Variants in ADAMTS9 observed in about 807,000 individuals in gnomAD.
ADAMTS9 encodes ADAM metallopeptidase with thrombospondin type 1 motif 9.
A neutral mutation model predicts 257.1 loss-of-function variants in ADAMTS9; 107 were observed. That is an observed-to-expected ratio of 0.42 (90% CI 0.36 to 0.49). ADAMTS9 has a LOEUF of 0.49. Ranked by LOEUF, ADAMTS9 falls within the 20% of genes least tolerant of loss-of-function variation. The probability of loss-of-function intolerance (pLI) is 0.03; values close to 1 mark genes in which losing one functional copy is unlikely to be tolerated. For synonymous variants in ADAMTS9, 982 were observed against 880.9 expected, an observed-to-expected ratio of 1.11 and a Z score of -2.03; for missense variants, 2,353 against 2,469.1, an observed-to-expected ratio of 0.95 and a Z score of 1.00.
At chr3:64,527,905 T>C (rs1430069931) in intron 38 of ADAMTS9, among the ~76,000 whole-genome samples, 1 of 152,182 alleles carries the variant, frequency 6.6e-6, no homozygotes, top group East Asian at 1.9e-4. Flanking sequence ...CATGTGTGTG[T>C]GTACACATGT....
intron 20 of ADAMTS9, 66 bp from the exon 21 acceptor site, chr3:64,615,551 G>C: frequency 6.7e-7 from 1 of 1,482,550 alleles, no homozygotes; most frequent in South Asian, 1.4e-5. Context: ...TGAAGATCCT[G>C]GCTATGTTGT....
intron 28 of ADAMTS9, among the ~76,000 whole-genome samples, chr3:64,581,435 G>T (rs1409412342): frequency 1.3e-5 from 2 of 151,826 alleles, no homozygotes; most frequent in Non-Finnish European, 2.9e-5. Flanking sequence ...GCTAATTTTT[G>T]TATTTTTGGT....
At chr3:64,564,931 G>T (rs1371325788) in intron 29 of ADAMTS9, among the ~76,000 whole-genome samples, 1 of 152,144 alleles carries the variant, frequency 6.6e-6, no homozygotes, top group East Asian at 1.9e-4. Flanking sequence ...AGTAAAATTT[G>T]TCTTAGACAA....
At chr3:64,628,325 A>G (rs1188022594) in intron 16 of ADAMTS9, among the ~76,000 whole-genome samples, 5 of 152,198 alleles carry the variant, frequency 3.3e-5, no homozygotes, top group South Asian at 2.1e-4. Context: ...TGAGGCCACT[A>G]CTTGGAGGGA....
intron 38 of ADAMTS9, among the ~76,000 whole-genome samples, chr3:64,528,597 C>T (rs978722121): frequency 1.3e-5 from 2 of 152,212 alleles, no homozygotes; most frequent in Admixed American, 6.5e-5. Context: ...AGGCTAAGCC[C>T]GGGCTTACAC....
chr3:64,650,787 A>T, intron 9 of ADAMTS9: 1 of 456,508 alleles, frequency 2.2e-6, no homozygotes, highest in Non-Finnish European at 3.7e-6. Flanking sequence ...CATCCTCTTT[A>T]AGACTCCAAC....
rs200051974 is a variant in ADAMTS9 at position 64,522,135 on chromosome 3, T to C, written c.*5+31A>G. The C allele has an allele frequency of 1.3e-5, 20 of 1,591,318 alleles. No homozygotes were observed. The East Asian group carries it at 4.3e-4, about 34-fold the overall frequency. On this transcript the variant is annotated intron_variant, in intron 39 of 39. Coordinates refer to ENST00000498707, the MANE Select transcript of ADAMTS9 (RefSeq NM_182920.2). ...GCTACAGAAAAAAATAAAAGACAAA[T>C]ACACAGACAGACAGACATAGGACTA...
At chr3:64,599,277 G>A (rs2084416922) in intron 26 of ADAMTS9, among the ~76,000 whole-genome samples, 1 of 152,154 alleles carries the variant, frequency 6.6e-6, no homozygotes, top group African/African-American at 2.4e-5. Flanking sequence ...ATTTCTCCAT[G>A]TTGCAGACTT....
intron 3 of ADAMTS9, among the ~76,000 whole-genome samples, chr3:64,675,858 T>A (rs1200342876): frequency 6.6e-6 from 1 of 152,146 alleles, no homozygotes; most frequent in Non-Finnish European, 1.5e-5. Flanking sequence ...TTACATATGA[T>A]AATGTGTGTA....
intron 26 of ADAMTS9, among the ~76,000 whole-genome samples, chr3:64,599,466 GT>G (rs2084419683): frequency 6.6e-6 from 1 of 152,144 alleles, no homozygotes; most frequent in Non-Finnish European, 1.5e-5. Flanking sequence ...ACAGATATTT[GT>G]TTTTTTCTAC....
rs79616035 is a variant in ADAMTS9 at position 64,597,880 on chromosome 3, C to G, written c.4018-889G>C. Among the ~76,000 whole-genome samples, 328 of 152,300 alleles carry G rather than the reference C, an allele frequency of 2.2e-3. 10 individuals are homozygous for G. In the East Asian group the frequency reaches 0.049, roughly 23 times the overall value. On this transcript the variant is annotated intron_variant, in intron 26 of 39. Coordinates refer to ENST00000498707, the MANE Select transcript of ADAMTS9 (RefSeq NM_182920.2). ...TTGCCTATAAAATAATCATCTGGTC[C>G]TCAAAGCAATGTATTTCTCACGATT... is the stretch of plus-strand genomic sequence containing the variant.
intron 16 of ADAMTS9, among the ~76,000 whole-genome samples, chr3:64,630,249 C>G (rs572591511): frequency 4.6e-5 from 7 of 152,106 alleles, no homozygotes; most frequent in Admixed American, 1.3e-4. Flanking sequence ...TCACTTACAG[C>G]AATTTACAGA....
At chr3:64,580,928 C>G (rs1303447164) in intron 28 of ADAMTS9, among the ~76,000 whole-genome samples, 1 of 152,152 alleles carries the variant, frequency 6.6e-6, no homozygotes, top group African/African-American at 2.4e-5. Flanking sequence ...CCAAGAGAGG[C>G]AGTGGAAAAA....
chr3:64,686,417 C>T lies in ADAMTS9; in HGVS notation c.516+151G>A. 10 of 1,167,424 alleles carry T rather than the reference C, an allele frequency of 8.6e-6. No individual in the cohort carries two copies. Among genetic ancestry groups the T allele is most frequent in the Non-Finnish European group, 1.2e-5 (10 of 851,474 alleles). 72.3% of individuals were successfully genotyped at this position (1,167,424 alleles called of 1,614,324 possible). On this transcript the variant is annotated intron_variant, in intron 2 of 39. Coordinates refer to ENST00000498707, the MANE Select transcript of ADAMTS9 (RefSeq NM_182920.2). This position sits in a 1 kb window ranked among gnomAD's most constrained non-coding sequence, Gnocchi z 4.6. ...GTACTCGCACGCACAGAGCTAGCTACCCAAACCATACGAGTTTCTAGCTGA... is the reference window on the plus strand; with the variant it reads ...GTACTCGCACGCACAGAGCTAGCTATCCAAACCATACGAGTTTCTAGCTGA...
chr3:64,594,953 AT>A (rs10709593), intron 27 of ADAMTS9, among the ~76,000 whole-genome samples: 85,054 of 151,262 alleles, frequency 0.56, 24,875 homozygotes, highest in East Asian at 0.79. Flanking sequence ...CACTCGGCTA[AT>A]TTTTTTGTAT....
chr3:64,574,123 G>A lies in ADAMTS9; in HGVS notation c.4357-5588C>T, dbSNP rs145789908. 8.8e-3 allele frequency among the ~76,000 whole-genome samples: 1,337 copies of A among 152,246 alleles called. 18 individuals carry two copies. Among genetic ancestry groups the A allele is most frequent in the Admixed American group, 0.014 (211 of 15,296 alleles). On this transcript the variant is annotated intron_variant, in intron 28 of 39. Coordinates refer to ENST00000498707, the MANE Select transcript of ADAMTS9 (RefSeq NM_182920.2). ...GGAATGAAAGAACCACCTGGAATCC[G>A]ACTCATGGTGCTAATACTGAACTCA... is the stretch of plus-strand genomic sequence containing the variant.
chr3:64,639,192 G>GGCAGTCTCCTTCCTCAATTAACA (rs1700574192), intron 12 of ADAMTS9, among the ~76,000 whole-genome samples: 1 of 151,264 alleles, frequency 6.6e-6, no homozygotes, highest in Admixed American at 6.6e-5. Context: ...CGTATTCAGA[G>GGCAGTCTCCTTCCTCAATTAACA]GCAGTCTCCT....
chr3:64,633,512 C>G lies in ADAMTS9; in HGVS notation c.2135G>C (p.Gly712Ala), dbSNP rs1313225584. Reference sequence around the variant, plus strand: ...GACACAGATATCATTTGTGTCCTGGCCACAAGGAGTTCCATCTATCACTCT... The same window carrying G: ...GACACAGATATCATTTGTGTCCTGGGCACAAGGAGTTCCATCTATCACTCT... ...RDRVIDGTPC[G>A]QDTNDICVQG... The change falls in exon 14 of 40, where the codon GGC (glycine) becomes GCC (alanine). Residue 712 changes from glycine to alanine, a missense_variant. Physicochemically the swap from Gly to Ala is moderately conservative, Grantham distance 60 (BLOSUM62 0). Around this residue, in one of 3 missense-constraint regions of ADAMTS9, gnomAD observed 360 missense variants for 458.1 expected, o/e 0.79. Coordinates refer to ENST00000498707, the MANE Select transcript of ADAMTS9 (RefSeq NM_182920.2). 1 of 1,614,042 alleles carries G rather than the reference C, an allele frequency of 6.2e-7. No individual in the cohort carries two copies. The highest frequency in any genetic ancestry group is 1.7e-5 in the Admixed American group (1 of 59,998).
chr3:64,529,180 T>C (rs763545570), intron 38 of ADAMTS9, among the ~76,000 whole-genome samples: 2 of 152,240 alleles, frequency 1.3e-5, no homozygotes, highest in Non-Finnish European at 1.5e-5. Context: ...ATAGTAGCTA[T>C]TTTAACCATA....
Sources: gnomAD v4.1 joint callset for allele counts (sites outside exome capture counted in the v4.1 genomes callset) on GRCh38, gnomAD v4.1.1 for gene constraint, gnomAD v4.1.1 regional missense constraint, Gnocchi (gnomAD v3.1) non-coding constraint, MANE v1.5 for transcripts, NCBI Gene and HGNC (gene_info 2026-07-23, HGNC 2026-07-21) for gene names.